The following KIF26B variants were observed in gnomAD, a reference collection of about 807,000 sequenced individuals.
KIF26B encodes the protein kinesin-like protein KIF26B.
In KIF26B, 63 loss-of-function variants were observed where a neutral mutation model predicts 151.2. The observed-to-expected ratio is 0.42, with a 90% CI of 0.34 to 0.51. The LOEUF (loss-of-function observed/expected upper bound fraction) is 0.51, where lower values mean the gene tolerates loss of function less well. Among genes scored for constraint, KIF26B ranks in the 20% least tolerant of loss-of-function variants. The pLI is 0.07. For missense variants in KIF26B, 2,813 were observed against 2,913.6 expected, an observed-to-expected ratio of 0.97 and a Z score of 0.79; for synonymous variants, 1,357 against 1,262.1, an observed-to-expected ratio of 1.08 and a Z score of -1.59.
intron 4 of KIF26B, among the ~76,000 whole-genome samples, chr1:245,464,381 AGGTGTGTG>A (rs1160025585): frequency 5.9e-5 from 8 of 134,764 alleles, no homozygotes; most frequent in African/African-American, 2.3e-4. Context: ...GGGTGTGTGT[AGGTGTGTG>A]TGTGTGGGTG....
At chr1:245,681,213 CT>C (rs71674433) in intron 10 of KIF26B, among the ~76,000 whole-genome samples, 3,961 of 141,232 alleles carry the variant, frequency 0.028, 73 homozygotes, top group East Asian at 0.093. Flanking sequence ...GTTTTCTTTT[CT>C]TTTTTTTTTT....
At chr1:245,394,848 G>A (rs1179807967) in intron 3 of KIF26B, among the ~76,000 whole-genome samples, 1 of 151,802 alleles carries the variant, frequency 6.6e-6, no homozygotes, top group African/African-American at 2.4e-5. Flanking sequence ...TCGCCACCAC[G>A]CCTGGCTAAT....
intron 2 of KIF26B, among the ~76,000 whole-genome samples, chr1:245,266,840 T>A (rs898603341): frequency 6.6e-6 from 1 of 152,228 alleles, no homozygotes; most frequent in African/African-American, 2.4e-5. Flanking sequence ...CCCCTGAGCC[T>A]ATGACTTTCT....
chr1:245,535,944 A>T (rs1303424796), intron 4 of KIF26B, among the ~76,000 whole-genome samples: 1 of 152,228 alleles, frequency 6.6e-6, no homozygotes, highest in Non-Finnish European at 1.5e-5. Context: ...GTGGAAACTG[A>T]GGCTTGATAA....
intron 2 of KIF26B, among the ~76,000 whole-genome samples, chr1:245,298,424 T>C (rs1671373703): frequency 1.3e-5 from 2 of 152,066 alleles, no homozygotes. Flanking sequence ...AGCACAAACA[T>C]TGTATGGTTT....
At chr1:245,577,942 A>G (rs187893930) in intron 5 of KIF26B, among the ~76,000 whole-genome samples, 6 of 149,270 alleles carry the variant, frequency 4.0e-5, no homozygotes, top group Non-Finnish European at 7.4e-5. Flanking sequence ...GAACTCGGCA[A>G]TGCATCCCCT....
rs1280763405 is a variant in KIF26B, at chr1:245,686,756, C to T, written c.3773C>T (p.Pro1258Leu). ...VSEVSITQFL[P>L]LPKMSLDEKA... ...GAGGTCAGCATCACACAGTTCTTGCCCCTCCCGAAGATGAGCCTGGATGAG... is the reference window on the plus strand; with the variant it reads ...GAGGTCAGCATCACACAGTTCTTGCTCCTCCCGAAGATGAGCCTGGATGAG... The change falls in exon 12 of 15, where the codon CCC (proline) becomes CTC (leucine). Residue 1258 changes from proline (P) to leucine (L), a missense_variant. Physicochemically the swap from Pro to Leu is moderately conservative, Grantham distance 98. This residue lies in a region of KIF26B where 2,060 missense variants were observed against 2,088.6 expected (regional missense o/e 0.99). Transcript: ENST00000407071. The surrounding 1 kb of genome is among the most constrained non-coding windows in gnomAD (Gnocchi z 5.6). 6.2e-7 allele frequency: 1 copy of T among 1,613,480 alleles called. No individual in the cohort carries two copies. Among genetic ancestry groups the T allele is most frequent in the Non-Finnish European group, 8.5e-7 (1 of 1,179,804 alleles).
Position 245,684,243 on chromosome 1 carries a change from C to A in KIF26B, c.2269C>A (p.Leu757Ile). Residue 757 changes from leucine to isoleucine, a missense_variant, in exon 11 of 15, where the codon CTC becomes ATC. Physicochemically the swap from Leu to Ile is conservative, Grantham distance 5. Around this residue, in one of 3 missense-constraint regions of KIF26B, gnomAD observed 2,060 missense variants for 2,088.6 expected, o/e 0.99. Coordinates refer to ENST00000407071, the MANE Select transcript of KIF26B (RefSeq NM_018012.4). Reference sequence around the variant, plus strand: ...CACTTTGTTTGGCAGAGAGAGCAAGCTCGCCATGTTGCTGCGGGAGTCTCT... The same window carrying A: ...CACTTTGTTTGGCAGAGAGAGCAAGATCGCCATGTTGCTGCGGGAGTCTCT... ...SKHIPYKESK[L>I]AMLLRESLGN... 1.9e-6 allele frequency: 3 copies of A among 1,613,106 alleles called. No individual in the cohort carries two copies. Among genetic ancestry groups the A allele is most frequent in the Non-Finnish European group, 2.5e-6 (3 of 1,179,216 alleles).
At chr1:245,382,110 G>A (rs577963437) in intron 3 of KIF26B, among the ~76,000 whole-genome samples, 1 of 152,238 alleles carries the variant, frequency 6.6e-6, no homozygotes, top group East Asian at 1.9e-4. Context: ...GGGTCAAATG[G>A]TGGTTCTGTT....
At chr1:245,464,125 A>C (rs1470728967) in intron 4 of KIF26B, among the ~76,000 whole-genome samples, 1 of 152,234 alleles carries the variant, frequency 6.6e-6, no homozygotes, top group African/African-American at 2.4e-5. Context: ...CAAGTCAAAC[A>C]CTATGAGATA....
Position 245,241,666 on chromosome 1 carries a change from C to T in KIF26B, c.465+84983C>T, listed in dbSNP as rs991358838. 5.9e-5 allele frequency among the ~76,000 whole-genome samples: 9 copies of T among 152,202 alleles called. No individual in the cohort carries two copies. The highest frequency in any genetic ancestry group is 1.9e-4 in the African/African-American group (8 of 41,448). ...CATCCTGTGGACAGCTGGAGGTCCA[C>T]GGGAACAGCTGCTATGGCGGCGGAC... On this transcript the variant is annotated intron_variant, in intron 2 of 14. Coordinates refer to ENST00000407071, the MANE Select transcript of KIF26B (RefSeq NM_018012.4). The surrounding 1 kb of genome is among the most constrained non-coding windows in gnomAD (Gnocchi z 5.0).
chr1:245,419,718 C>T lies in KIF26B; in HGVS notation c.1139C>T (p.Thr380Ile). 6.2e-7 allele frequency: 1 copy of T among 1,612,820 alleles called. No homozygotes were observed. ...GTGGCCAGCGAGACTTCCACAGGCA[C>T]ATCGGTGGCCGCCTCCTTCTTTGCA... ...SCVASETSTG[T>I]SVAASFFARA... Residue 380 changes from threonine (T) to isoleucine (I), a missense_variant, in exon 4 of 15, where the codon ACA (threonine) becomes ATA (isoleucine). This residue lies in a region of KIF26B where 676 missense variants were observed against 688.1 expected (regional missense o/e 0.98). Coordinates refer to ENST00000407071, the MANE Select transcript of KIF26B (RefSeq NM_018012.4).
At chr1:245,544,223 A>T (rs1661687600) in intron 5 of KIF26B, among the ~76,000 whole-genome samples, 1 of 152,258 alleles carries the variant, frequency 6.6e-6, no homozygotes, top group Non-Finnish European at 1.5e-5. Flanking sequence ...AATATCACCA[A>T]GAAATACAGT....
intron 4 of KIF26B, among the ~76,000 whole-genome samples, chr1:245,506,425 A>G (rs1469879847): frequency 6.6e-6 from 1 of 152,222 alleles, no homozygotes; most frequent in African/African-American, 2.4e-5. Context: ...ATAGTTGCCT[A>G]TCTGCCCAAT....
intron 2 of KIF26B, among the ~76,000 whole-genome samples, chr1:245,272,024 A>G (rs1222675319): frequency 2.0e-5 from 3 of 152,150 alleles, no homozygotes; most frequent in African/African-American, 4.8e-5. Context: ...ATTCAATCCC[A>G]TTTCTAGTAA....
chr1:245,345,025 G>A (rs1211416742), intron 2 of KIF26B, among the ~76,000 whole-genome samples: 1 of 152,120 alleles, frequency 6.6e-6, no homozygotes, highest in Non-Finnish European at 1.5e-5. Context: ...CACACGTGGA[G>A]ATGGCACTAC....
chr1:245,674,236 G>A (rs1377063973), intron 10 of KIF26B, among the ~76,000 whole-genome samples: 1 of 152,074 alleles, frequency 6.6e-6, no homozygotes, highest in Non-Finnish European at 1.5e-5. Flanking sequence ...AAAATGACAG[G>A]TCTATGGAAA....
intron 12 of KIF26B, among the ~76,000 whole-genome samples, chr1:245,690,746 G>C (rs11804550): frequency 4.0e-5 from 6 of 148,992 alleles, no homozygotes; most frequent in Admixed American, 6.7e-5. Context: ...TGCCTGGGGG[G>C]GGGGTATGCT....
chr1:245,429,607 T>C (rs1658730803), intron 4 of KIF26B, among the ~76,000 whole-genome samples: 1 of 152,116 alleles, frequency 6.6e-6, no homozygotes, highest in African/African-American at 2.4e-5. Context: ...AGGTTTCATT[T>C]TTTTGTTGGT....
Sources: gnomAD v4.1 joint callset for allele counts (sites outside exome capture counted in the v4.1 genomes callset) on GRCh38, gnomAD v4.1.1 for gene constraint, gnomAD v4.1.1 regional missense constraint, Gnocchi (gnomAD v3.1) non-coding constraint, MANE v1.5 for transcripts, NCBI Gene and HGNC (gene_info 2026-07-23, HGNC 2026-07-21) for gene names.